The following AGPS variants were observed in gnomAD, a reference collection of about 807,000 sequenced individuals.
AGPS encodes the protein alkyldihydroxyacetonephosphate synthase, peroxisomal.
A neutral mutation model predicts 90.7 loss-of-function variants in AGPS; 26 were observed. The observed-to-expected ratio is 0.29, with a 90% CI of 0.21 to 0.40. AGPS has a LOEUF of 0.40. Among genes scored for constraint, AGPS ranks in the 10% least tolerant of loss-of-function variants. The probability of loss-of-function intolerance (pLI) is 1.00; values close to 1 mark genes in which losing one functional copy is unlikely to be tolerated. For synonymous variants in AGPS, 294 were observed against 285.3 expected, an observed-to-expected ratio of 1.03 and a Z score of -0.31; for missense variants, 540 against 816.1, an observed-to-expected ratio of 0.66 and a Z score of 4.12.
chr2:177,523,930 A>G (rs549247775), intron 19 of AGPS, 125 bp downstream of exon 19: 22 of 846,524 alleles, frequency 2.6e-5, no homozygotes, highest in Admixed American at 1.2e-4. Context: ...TAAAGTTTCT[A>G]TGTCTTTGAA....
chr2:177,454,899 C>A (rs1283607193), intron 8 of AGPS, among the ~76,000 whole-genome samples: 1 of 152,158 alleles, frequency 6.6e-6, no homozygotes, highest in Non-Finnish European at 1.5e-5. Flanking sequence ...TTCTGGCCCT[C>A]TGTGAGTGCT....
intron 14 of AGPS, among the ~76,000 whole-genome samples, chr2:177,504,237 A>G (rs1409233958): frequency 1.3e-5 from 2 of 151,994 alleles, no homozygotes; most frequent in Non-Finnish European, 2.9e-5. Flanking sequence ...TTTTATATCT[A>G]CTTGAGCTAT....
At chr2:177,496,097 T>C (rs1178539823) in intron 12 of AGPS, among the ~76,000 whole-genome samples, 1 of 152,178 alleles carries the variant, frequency 6.6e-6, no homozygotes, top group African/African-American at 2.4e-5. Flanking sequence ...AAAGCTATCA[T>C]GTCACCTTAG....
At chr2:177,537,414 A>G (rs1055561768) in intron 19 of AGPS, among the ~76,000 whole-genome samples, 1 of 152,102 alleles carries the variant, frequency 6.6e-6, no homozygotes, top group Non-Finnish European at 1.5e-5. Context: ...TTTACGATGG[A>G]TTAGGTATTT....
chr2:177,462,404 AAG>A lies in AGPS; in HGVS notation c.996+388_996+389del, dbSNP rs1209251511. 2.4e-4 allele frequency among the ~76,000 whole-genome samples: 36 copies of A among 149,858 alleles called. 4 individuals carry two copies. Among genetic ancestry groups the A allele is most frequent in the African/African-American group, 7.6e-4 (31 of 41,034 alleles). ...CGAGATTCTGTCTCAAAAAAAAAAA[AAG>A]AAAAAAGAAAAAGAGTTGGATGGTA... On this transcript the variant is annotated intron_variant, in intron 9 of 19. Transcript: ENST00000264167.
At chr2:177,462,348 G>A (rs1037400759) in intron 9 of AGPS, among the ~76,000 whole-genome samples, 6 of 142,516 alleles carry the variant, frequency 4.2e-5, no homozygotes, top group Non-Finnish European at 7.5e-5. Flanking sequence ...AGCCGAAATT[G>A]TGCCACTGCA....
chr2:177,410,169 A>G (rs981312326), intron 1 of AGPS, among the ~76,000 whole-genome samples: 6 of 151,970 alleles, frequency 3.9e-5, no homozygotes, highest in African/African-American at 1.5e-4. Context: ...GGAGGGGATT[A>G]CCCCATACTA....
chr2:177,430,798 C>T (rs1288752604), intron 2 of AGPS, among the ~76,000 whole-genome samples: 3 of 152,088 alleles, frequency 2.0e-5, no homozygotes, highest in African/African-American at 7.2e-5. Flanking sequence ...AATCAGCCAT[C>T]TCAGTCCCTA....
chr2:177,469,534 A>C (rs573599229), intron 10 of AGPS, among the ~76,000 whole-genome samples: 1 of 152,150 alleles, frequency 6.6e-6, no homozygotes, highest in East Asian at 1.9e-4. Flanking sequence ...TCACCAGTTT[A>C]CTCAGTTTAT....
chr2:177,507,857 T>A, intron 15 of AGPS, 113 bp from the exon 16 acceptor site: 1 of 823,072 alleles, frequency 1.2e-6, no homozygotes. Context: ...AAAGAGTGGA[T>A]GAAGTTAAAT....
intron 2 of AGPS, among the ~76,000 whole-genome samples, chr2:177,421,357 A>G (rs1019583528): frequency 6.6e-6 from 1 of 152,066 alleles, no homozygotes; most frequent in Non-Finnish European, 1.5e-5. Context: ...AACATGTGCT[A>G]TATCAGTATA....
At chr2:177,509,925 C>T (rs1352805680) in intron 16 of AGPS, among the ~76,000 whole-genome samples, 1 of 152,070 alleles carries the variant, frequency 6.6e-6, no homozygotes, top group Non-Finnish European at 1.5e-5. Context: ...CTCTCCAGCC[C>T]TTTTTCTATG....
chr2:177,459,643 G>T (rs1384286384), intron 8 of AGPS, among the ~76,000 whole-genome samples: 3 of 152,182 alleles, frequency 2.0e-5, no homozygotes, highest in East Asian at 3.8e-4. Context: ...AGTTAGAATG[G>T]CAATCATTAA....
chr2:177,522,757 G>A (rs1197089369), intron 18 of AGPS, among the ~76,000 whole-genome samples: 1 of 152,074 alleles, frequency 6.6e-6, no homozygotes, highest in Non-Finnish European at 1.5e-5. Context: ...CACAGCCGAG[G>A]GTTCTTATAG....
chr2:177,489,134 G>C (rs1574003866), intron 11 of AGPS, among the ~76,000 whole-genome samples: 4 of 150,608 alleles, frequency 2.7e-5, no homozygotes, highest in Admixed American at 6.6e-5. Flanking sequence ...GCCCAGGCTG[G>C]AGTGCAGTGG....
At chr2:177,414,574 T>A (rs1446722027) in intron 1 of AGPS, among the ~76,000 whole-genome samples, 1 of 152,186 alleles carries the variant, frequency 6.6e-6, no homozygotes, top group Non-Finnish European at 1.5e-5. Flanking sequence ...AAATGTATAT[T>A]TGGTTTACCA....
At chr2:177,487,581 G>A (rs1206663635) in intron 11 of AGPS, among the ~76,000 whole-genome samples, 1 of 152,040 alleles carries the variant, frequency 6.6e-6, no homozygotes, top group Non-Finnish European at 1.5e-5. Context: ...TAAATTAGAA[G>A]GAGTCAGGTT....
chr2:177,506,574 C>T (rs985094992), intron 15 of AGPS, among the ~76,000 whole-genome samples: 6 of 151,846 alleles, frequency 4.0e-5, no homozygotes, highest in Non-Finnish European at 7.4e-5. Flanking sequence ...TTAATATGTT[C>T]TCATTTTAGC....
chr2:177,496,954 G>C (rs1216361365), intron 12 of AGPS, among the ~76,000 whole-genome samples: 9 of 151,938 alleles, frequency 5.9e-5, no homozygotes, highest in Admixed American at 5.9e-4. Context: ...TGTATAAATG[G>C]TATGACACCT....
Sources: allele counts gnomAD v4.1 joint callset (sites outside exome capture counted in the v4.1 genomes callset), GRCh38; gene constraint gnomAD v4.1.1; transcripts MANE v1.5; gene names NCBI Gene and HGNC (gene_info 2026-07-23, HGNC 2026-07-21).